The following GAREM1 variants were observed in gnomAD, a reference collection of about 807,000 sequenced individuals.
The protein encoded by GAREM1 is GRB2-associated and regulator of MAPK protein 1.
Under a neutral mutation model 71.3 loss-of-function variants are expected in GAREM1, and 26 were observed. That is an observed-to-expected ratio of 0.36 (90% confidence interval 0.27 to 0.51). The LOEUF is 0.51. Ranked by LOEUF, GAREM1 falls within the 20% of genes least tolerant of loss-of-function variation. The pLI is 0.95. For missense variants in GAREM1, 1,026 were observed against 1,103.1 expected, an observed-to-expected ratio of 0.93 and a Z score of 0.99; for synonymous variants, 440 against 433.2, an observed-to-expected ratio of 1.02 and a Z score of -0.20.
chr18:32,459,237 T>C (rs897545016), intron 1 of GAREM1, among the ~76,000 whole-genome samples: 1 of 152,124 alleles, frequency 6.6e-6, no homozygotes, highest in Non-Finnish European at 1.5e-5. Context: ...TAACAAGTTA[T>C]ACAATATTAT....
At chr18:32,322,064 T>A (rs775818295) in intron 2 of GAREM1, among the ~76,000 whole-genome samples, 4 of 152,188 alleles carry the variant, frequency 2.6e-5, no homozygotes, top group Non-Finnish European at 5.9e-5. Context: ...TTTCTATAAT[T>A]ACCCTGGCTT....
intron 1 of GAREM1, among the ~76,000 whole-genome samples, chr18:32,455,577 A>C (rs193097368): frequency 1.2e-3 from 185 of 152,304 alleles, no homozygotes; most frequent in Non-Finnish European, 2.3e-3. Context: ...CCCTGGAGAA[A>C]ACTTAACTGC....
chr18:32,463,553 G>C (rs551393150), intron 1 of GAREM1, among the ~76,000 whole-genome samples: 1 of 148,946 alleles, frequency 6.7e-6, no homozygotes, highest in Non-Finnish European at 1.5e-5. Flanking sequence ...AAATTAAAGA[G>C]AGTTTTTTAA....
chr18:32,451,007 G>A (rs977745863), intron 1 of GAREM1, among the ~76,000 whole-genome samples: 2 of 152,060 alleles, frequency 1.3e-5, no homozygotes, highest in East Asian at 1.9e-4. Context: ...AAATTAGCCA[G>A]GTGTGGTGGC....
chr18:32,437,052 T>C (rs8097446), intron 1 of GAREM1, among the ~76,000 whole-genome samples: 70 of 152,318 alleles, frequency 4.6e-4, no homozygotes, highest in Middle Eastern at 3.4e-3. Context: ...AACTCTATAA[T>C]GTTCTTCATT....
chr18:32,352,296 G>C (rs976627554), intron 2 of GAREM1, among the ~76,000 whole-genome samples: 6 of 152,228 alleles, frequency 3.9e-5, no homozygotes, highest in Admixed American at 2.0e-4. Context: ...ACTAAGACAA[G>C]GCCAGGAGTA....
At chr18:32,417,904 G>A (rs2048479803) in intron 1 of GAREM1, among the ~76,000 whole-genome samples, 1 of 151,960 alleles carries the variant, frequency 6.6e-6, no homozygotes, top group African/African-American at 2.4e-5. Context: ...ACACAAAGGA[G>A]AAACACTTGA....
intron 2 of GAREM1, among the ~76,000 whole-genome samples, chr18:32,354,972 T>C (rs1323198731): frequency 6.6e-6 from 1 of 152,044 alleles, no homozygotes; most frequent in African/African-American, 2.4e-5. Flanking sequence ...AAATTAGAAA[T>C]GAGTGAGGAG....
In GAREM1 at chr18:32,268,185, T is replaced by C. The variant is rs777348210; in HGVS notation, c.2317A>G (p.Met773Val). 8 of 1,613,954 alleles carry C rather than the reference T, an allele frequency of 5.0e-6. No individual in the cohort carries two copies. In the African/African-American group the frequency reaches 9.3e-5, roughly 19 times the overall value. Residue 773 changes from methionine to valine, a missense_variant, in exon 6 of 6, where the codon ATG (methionine) becomes GTG (valine). Physicochemically the swap from Met to Val is conservative, Grantham distance 21. Transcript: ENST00000269209. Reference protein sequence around the residue: ...SEDQYFVKKGMQDIFSASYPF... With the variant: ...SEDQYFVKKGVQDIFSASYPF... ...TAGGAGGCAGAGAAGATGTCCTGCA[T>C]GCCCTTTTTAACAAAATACTGGTCC...
chr18:32,364,146 T>C (rs2047906285), intron 2 of GAREM1, among the ~76,000 whole-genome samples: 1 of 147,780 alleles, frequency 6.8e-6, no homozygotes, highest in Admixed American at 6.8e-5. Flanking sequence ...GCGATTCTCC[T>C]GCCTCAGCCT....
intron 2 of GAREM1, among the ~76,000 whole-genome samples, chr18:32,358,023 C>T (rs2047822271): frequency 6.6e-6 from 1 of 152,122 alleles, no homozygotes; most frequent in South Asian, 2.1e-4. Context: ...ACTAACCAAA[C>T]AAGAAAACCT....
intron 1 of GAREM1, among the ~76,000 whole-genome samples, chr18:32,402,249 G>A (rs928618637): frequency 2.0e-5 from 3 of 152,072 alleles, no homozygotes; most frequent in Non-Finnish European, 4.4e-5. Flanking sequence ...ATATGTAAAT[G>A]CCATCCTGAA....
intron 2 of GAREM1, among the ~76,000 whole-genome samples, chr18:32,312,445 T>C (rs936355450): frequency 1.2e-4 from 19 of 152,072 alleles, no homozygotes; most frequent in Admixed American, 1.0e-3. Context: ...CTGAAAACTG[T>C]AGGATTCAGC....
intron 3 of GAREM1, among the ~76,000 whole-genome samples, chr18:32,289,095 G>C (rs1567950870): frequency 6.6e-6 from 1 of 152,014 alleles, no homozygotes; most frequent in African/African-American, 2.4e-5. Flanking sequence ...GTTTTGTTTT[G>C]TTTTTGAAGA....
At position 32,398,098 on chromosome 18, in the gene GAREM1, G is replaced by T. The variant is rs547668899; in HGVS notation, c.122-5063C>A. On this transcript the variant is annotated intron_variant, in intron 1 of 5. Coordinates refer to ENST00000269209, the MANE Select transcript of GAREM1 (RefSeq NM_001242409.2). ...ATAACAAAATGAAGGCAGAAATAAA[G>T]ATGTTCTTTGAAACCAATGAGAACA... Among the ~76,000 whole-genome samples the T allele has an allele frequency of 6.9e-4, 105 of 152,256 alleles. 1 individual carries two copies. Among genetic ancestry groups the T allele is most frequent in the African/African-American group, 2.5e-3 (105 of 41,556 alleles).
At chr18:32,407,983 T>TAAA (rs1483597542) in intron 1 of GAREM1, among the ~76,000 whole-genome samples, 58 of 150,522 alleles carry the variant, frequency 3.9e-4, no homozygotes, top group East Asian at 2.7e-3. Flanking sequence ...CTTTTTTTTT[T>TAAA]AAAAAAAAAC....
intron 2 of GAREM1, among the ~76,000 whole-genome samples, chr18:32,319,412 T>C (rs1312933125): frequency 6.6e-6 from 1 of 152,200 alleles, no homozygotes; most frequent in Non-Finnish European, 1.5e-5. Flanking sequence ...AATGTAAAAG[T>C]AGGATTGCCC....
chr18:32,409,347 T>C (rs539753324), intron 1 of GAREM1, among the ~76,000 whole-genome samples: 2 of 152,332 alleles, frequency 1.3e-5, no homozygotes, highest in Non-Finnish European at 2.9e-5. Flanking sequence ...AACAAAGCTA[T>C]ATTAAAATCC....
chr18:32,453,180 C>T (rs992481726), intron 1 of GAREM1, among the ~76,000 whole-genome samples: 2 of 152,056 alleles, frequency 1.3e-5, no homozygotes, highest in African/African-American at 4.8e-5. Context: ...GGGGAAACCT[C>T]TTAAAAAACC....
Sources: gnomAD v4.1 joint callset for allele counts (sites outside exome capture counted in the v4.1 genomes callset) on GRCh38, gnomAD v4.1.1 for gene constraint, MANE v1.5 for transcripts, NCBI Gene and HGNC (gene_info 2026-07-23, HGNC 2026-07-21) for gene names.